ACVR1: variants seen among roughly 807,000 people sequenced by gnomAD.
ACVR1 encodes activin receptor type-1.
ACVR1 carries 38 observed loss-of-function variants against 57.1 expected under a neutral mutation model. That is an observed-to-expected ratio of 0.67 (90% CI 0.51 to 0.87). ACVR1 has a LOEUF of 0.87. ACVR1 is among the 40% of genes least tolerant of loss of function. ACVR1 has a pLI of 0.00. For missense variants in ACVR1, 463 were observed against 638.2 expected (o/e 0.73, Z 2.96); for synonymous variants, 212 against 228.1 (o/e 0.93, Z 0.63).
chr2:157,855,264 AAAAAAGTGTGTGTGT>A (rs1233492782), intron 1 of ACVR1, among the ~76,000 whole-genome samples: 3 of 134,312 alleles, frequency 2.2e-5, no homozygotes, highest in African/African-American at 5.8e-5. Flanking sequence ...AAAAAAAAAA[AAAAAAGTGTGTGTGT>A]GTGTGTGTGT....
At chr2:157,804,098 C>G (rs1304422495) in intron 2 of ACVR1, among the ~76,000 whole-genome samples, 3 of 152,100 alleles carry the variant, frequency 2.0e-5, no homozygotes, top group African/African-American at 2.4e-5. Flanking sequence ...CAGTATCACA[C>G]ATATCATTGG....
chr2:157,829,557 C>G (rs1010375430), intron 1 of ACVR1, among the ~76,000 whole-genome samples: 1 of 152,194 alleles, frequency 6.6e-6, no homozygotes, highest in Non-Finnish European at 1.5e-5. Context: ...CCCCAGACAT[C>G]TCCAACATCA....
intron 1 of ACVR1, among the ~76,000 whole-genome samples, chr2:157,834,004 A>G (rs552336944): frequency 9.7e-4 from 148 of 152,334 alleles, no homozygotes; most frequent in African/African-American, 3.4e-3. Flanking sequence ...GACTGGTTTA[A>G]CACAACCATG....
At chr2:157,754,484 C>T (rs370415859) in intron 9 of ACVR1, among the ~76,000 whole-genome samples, 25 of 152,102 alleles carry the variant, frequency 1.6e-4, no homozygotes, top group African/African-American at 5.8e-4. Flanking sequence ...AATACCTTAA[C>T]GTGCATAAAC....
chr2:157,770,781 G>A (rs1388772266), intron 6 of ACVR1, among the ~76,000 whole-genome samples: 1 of 152,136 alleles, frequency 6.6e-6, no homozygotes, highest in Non-Finnish European at 1.5e-5. Flanking sequence ...TGTATAATTA[G>A]CTGCTAATTA....
At chr2:157,764,183 T>A (rs1224365213) in intron 8 of ACVR1, among the ~76,000 whole-genome samples, 1 of 151,638 alleles carries the variant, frequency 6.6e-6, no homozygotes, top group Non-Finnish European at 1.5e-5. Context: ...ATGATCACAC[T>A]ATATATATAT....
At chr2:157,780,304 C>A (rs773371224) in intron 4 of ACVR1, 33 bp downstream of exon 4, 2 of 1,613,934 alleles carry the variant, frequency 1.2e-6, no homozygotes, top group East Asian at 2.2e-5. Context: ...TAACAAAACC[C>A]CTTGATCTAG....
intron 1 of ACVR1, among the ~76,000 whole-genome samples, chr2:157,859,223 C>T (rs1287751747): frequency 6.6e-6 from 1 of 152,180 alleles, no homozygotes; most frequent in Non-Finnish European, 1.5e-5. Flanking sequence ...CCAGCCAAAA[C>T]TCACCAAAAC....
At chr2:157,778,478 C>T (rs2105278379) in intron 4 of ACVR1, 136 bp from the exon 5 acceptor site, 2 of 731,558 alleles carry the variant, frequency 2.7e-6, no homozygotes, top group East Asian at 2.7e-5. Flanking sequence ...AAAACTAAAA[C>T]ACTTCCTAAT....
chr2:157,778,052 A>T, intron 5 of ACVR1, 79 bp downstream of exon 5: 1 of 1,441,482 alleles, frequency 6.9e-7, no homozygotes, highest in East Asian at 2.3e-5. Context: ...ATTACTGGTT[A>T]GCGTTTCATG....
intron 3 of ACVR1, among the ~76,000 whole-genome samples, chr2:157,785,528 C>T (rs1686682386): frequency 6.6e-6 from 1 of 152,124 alleles, no homozygotes; most frequent in African/African-American, 2.4e-5. Context: ...CACAAAGGTC[C>T]GTCTGGAATG....
intron 3 of ACVR1, among the ~76,000 whole-genome samples, chr2:157,795,518 G>A (rs1452473493): frequency 2.0e-5 from 3 of 151,144 alleles, no homozygotes; most frequent in Non-Finnish European, 4.4e-5. Flanking sequence ...GCACTCACTG[G>A]ATATTCCATT....
intron 2 of ACVR1, among the ~76,000 whole-genome samples, chr2:157,803,468 GA>G (rs942431282): frequency 6.6e-6 from 1 of 152,116 alleles, no homozygotes; most frequent in Non-Finnish European, 1.5e-5. Context: ...AAGAAAAAAA[GA>G]ATGTGGAAAG....
chr2:157,821,304 C>A (rs561822779), intron 1 of ACVR1, among the ~76,000 whole-genome samples: 1 of 152,176 alleles, frequency 6.6e-6, no homozygotes, highest in South Asian at 2.1e-4. Context: ...GGTGGGTGGA[C>A]CACCTGAGGT....
intron 2 of ACVR1, among the ~76,000 whole-genome samples, chr2:157,816,112 T>C (rs1211273713): frequency 6.6e-6 from 1 of 152,254 alleles, no homozygotes; most frequent in African/African-American, 2.4e-5. Flanking sequence ...GAATGTATGG[T>C]CATGTTCCAC....
At chr2:157,741,839 C>T (rs570981233) in intron 9 of ACVR1, among the ~76,000 whole-genome samples, 2 of 152,058 alleles carry the variant, frequency 1.3e-5, no homozygotes, top group East Asian at 1.9e-4. Context: ...AACTGGGTGC[C>T]GTGGAAGCAC....
intron 9 of ACVR1, among the ~76,000 whole-genome samples, chr2:157,741,589 C>T (rs1684769303): frequency 6.7e-6 from 1 of 148,254 alleles, no homozygotes; most frequent in South Asian, 2.1e-4. Context: ...AGTGCCACTG[C>T]ACTATAGCCT....
intron 3 of ACVR1, among the ~76,000 whole-genome samples, chr2:157,792,953 T>C (rs1183711817): frequency 2.0e-5 from 3 of 152,242 alleles, no homozygotes; most frequent in Non-Finnish European, 2.9e-5. Flanking sequence ...ACATTCTGTA[T>C]GGAATCTTGC....
At position 157,809,459 on chromosome 2, in the gene ACVR1, T is replaced by C. The variant is rs77344271; in HGVS notation, c.-8+8926A>G. On this transcript the variant is annotated intron_variant, in intron 2 of 10. Transcript: ENST00000434821. ...ATCATGAGAAAGAAAACGAGCCATGTACCAGGGTCAGTGCACAAGTTGAAT... is the reference window on the plus strand; with the variant it reads ...ATCATGAGAAAGAAAACGAGCCATGCACCAGGGTCAGTGCACAAGTTGAAT... Among the ~76,000 whole-genome samples, 105 of 152,242 alleles carry C rather than the reference T, an allele frequency of 6.9e-4. 1 individual carries two copies. Among genetic ancestry groups the C allele is most frequent in the African/African-American group, 2.4e-3 (101 of 41,536 alleles).
Sources: allele counts gnomAD v4.1 joint callset (sites outside exome capture counted in the v4.1 genomes callset), GRCh38; gene constraint gnomAD v4.1.1; transcripts MANE v1.5; gene names NCBI Gene and HGNC (gene_info 2026-07-23, HGNC 2026-07-21).